FBXO22: variants seen among roughly 807,000 people sequenced by gnomAD.
FBXO22 encodes the protein F-box only protein 22.
FBXO22 carries 13 observed loss-of-function variants against 37.2 expected under a neutral mutation model. The observed-to-expected ratio is 0.35, with a 90% CI of 0.23 to 0.56. The LOEUF (loss-of-function observed/expected upper bound fraction) is 0.56, where lower values mean the gene tolerates loss of function less well. Among genes scored for constraint, FBXO22 ranks in the 20% least tolerant of loss-of-function variants. FBXO22 has a pLI of 0.87. For missense variants in FBXO22, 446 were observed against 509.9 expected (o/e 0.87, Z 1.21); for synonymous variants, 189 against 189.1 (o/e 1.00, Z 0.00).
In FBXO22 at chr15:75,940,026, A is replaced by C. The variant is rs1300446844; in HGVS notation, c.*6924A>C. The C allele has an allele frequency of 6.6e-6, 1 of 152,126 alleles. No homozygotes were observed. Among genetic ancestry groups the C allele is most frequent in the African/African-American group, 2.4e-5 (1 of 41,448 alleles). The allele number at this position is 152,126 out of a possible 1,614,324, so 9.4% of individuals were successfully genotyped here. ...AGTTCTAGCCTGAGCTAGAAAAAGA[A>C]AAGACATCTAAGTTGGAAAGTAAGA... On this transcript the variant is annotated 3_prime_UTR_variant, in exon 7 of 7. Coordinates refer to ENST00000308275, the MANE Select transcript of FBXO22 (RefSeq NM_147188.3).
intron 4 of FBXO22, among the ~76,000 whole-genome samples, chr15:75,916,699 C>T (rs1900198547): frequency 6.6e-6 from 1 of 152,104 alleles, no homozygotes; most frequent in African/African-American, 2.4e-5. Context: ...ATATATTTGT[C>T]ATCATTTTAA....
intron 6 of FBXO22, chr15:75,930,432 AATATGCCC>A: frequency 9.5e-7 from 1 of 1,056,774 alleles, no homozygotes; most frequent in South Asian, 3.2e-5. Context: ...CAGAGCTTCT[AATATGCCC>A]AGTGCTGTGG....
At chr15:75,926,709 A>T (rs1001962344) in intron 5 of FBXO22, among the ~76,000 whole-genome samples, 2 of 152,184 alleles carry the variant, frequency 1.3e-5, no homozygotes, top group African/African-American at 4.8e-5. Context: ...GGTTTTCAAT[A>T]CATGTTTTTA....
chr15:75,924,012 G>A (rs560204888), intron 5 of FBXO22, among the ~76,000 whole-genome samples: 14 of 152,316 alleles, frequency 9.2e-5, no homozygotes, highest in African/African-American at 2.9e-4. Flanking sequence ...ATTGACTAAG[G>A]TGAAGAAGAT....
intron 6 of FBXO22, chr15:75,931,011 TC>T: frequency 4.3e-6 from 1 of 230,430 alleles, no homozygotes; most frequent in Non-Finnish European, 7.2e-6. Flanking sequence ...GTACGTTGAA[TC>T]CCAGGCAGGA....
chr15:75,927,418 C>A (rs537881669), intron 5 of FBXO22, among the ~76,000 whole-genome samples: 50 of 152,262 alleles, frequency 3.3e-4, no homozygotes, highest in Non-Finnish European at 6.6e-4. Context: ...ATTTAGAAGT[C>A]ATGAGGTTTC....
intron 5 of FBXO22, among the ~76,000 whole-genome samples, chr15:75,921,718 T>G (rs776379999): frequency 6.6e-6 from 1 of 152,158 alleles, no homozygotes; most frequent in Non-Finnish European, 1.5e-5. Flanking sequence ...ACAAAAAAAA[T>G]TTCCATTTAT....
intron 5 of FBXO22, among the ~76,000 whole-genome samples, chr15:75,923,071 G>A (rs1567054799): frequency 6.6e-6 from 1 of 152,156 alleles, no homozygotes; most frequent in African/African-American, 2.4e-5. Flanking sequence ...AGGTGACATA[G>A]CTGTTTCCTG....
chr15:75,918,925 A>C (rs1209824755), intron 5 of FBXO22, among the ~76,000 whole-genome samples: 1 of 152,176 alleles, frequency 6.6e-6, no homozygotes, highest in East Asian at 1.9e-4. Flanking sequence ...TCTGTTGTAC[A>C]ACATGGAGAC....
chr15:75,930,554 A>G (rs2029977239), intron 6 of FBXO22: 3 of 986,534 alleles, frequency 3.0e-6, no homozygotes, highest in Non-Finnish European at 3.6e-6. Context: ...GTTTTTGGAA[A>G]TTCTGTATTA....
Position 75,932,897 on chromosome 15 carries a change from C to T in FBXO22, c.1007C>T (p.Ala336Val). 1.2e-6 allele frequency: 2 copies of T among 1,614,186 alleles called. No individual in the cohort carries two copies. Among genetic ancestry groups the T allele is most frequent in the Non-Finnish European group, 1.7e-6 (2 of 1,180,030 alleles). Residue 336 changes from alanine (A) to valine (V), a missense_variant, in exon 7 of 7, where the codon GCC becomes GTC. This residue lies in a region of FBXO22 where 315 missense variants were observed against 410.1 expected (regional missense o/e 0.77). Transcript: ENST00000308275. ...GGCAGGGGCTTTCAGTATTACAGAG[C>T]CAAGGGGAATGTTGAGGCTGATGCA... ...CVGRGFQYYR[A>V]KGNVEADAFR... is the part of the protein sequence containing the mutation.
At chr15:75,921,077 C>T (rs1412533955) in intron 5 of FBXO22, among the ~76,000 whole-genome samples, 2 of 152,138 alleles carry the variant, frequency 1.3e-5, no homozygotes, top group South Asian at 4.1e-4. Flanking sequence ...CCTATTGCCC[C>T]TAGACTACAA....
intron 4 of FBXO22, 117 bp downstream of exon 4, chr15:75,914,322 TAAAG>T: frequency 1.5e-6 from 1 of 686,916 alleles, no homozygotes; most frequent in Non-Finnish European, 2.5e-6. Flanking sequence ...TAAAATACAA[TAAAG>T]TCAGTCATAT....
At chr15:75,929,309 C>CAAA (rs11378024) in intron 5 of FBXO22, among the ~76,000 whole-genome samples, 1 of 146,840 alleles carries the variant, frequency 6.8e-6, no homozygotes, top group African/African-American at 2.5e-5. Context: ...CCATCTCTAC[C>CAAA]AAAAAAAAAA....
intron 4 of FBXO22, among the ~76,000 whole-genome samples, chr15:75,915,735 A>C (rs548929372): frequency 2.0e-4 from 30 of 152,150 alleles, no homozygotes; most frequent in Admixed American, 1.8e-3. Context: ...CCCCATCTCT[A>C]CTAAAAATAC....
At position 75,904,027 on chromosome 15, in the gene FBXO22, G is replaced by A. The variant is rs187236887; in HGVS notation, c.64G>A (p.Val22Met). 1 of 1,575,424 alleles carries A rather than the reference G, an allele frequency of 6.3e-7. No homozygotes were observed. Among genetic ancestry groups the A allele is most frequent in the Non-Finnish European group, 8.6e-7 (1 of 1,160,236 alleles). The change falls in exon 1 of 7, where the codon GTG becomes ATG. Residue 22 changes from valine to methionine, a missense_variant. Transcript: ENST00000308275. ...GSSVDPRSTFVLSNLAEVVER... is the reference protein window; with the variant it reads ...GSSVDPRSTFMLSNLAEVVER... ...CTCCGTAGACCCGCGGAGCACCTTC[G>A]TGTTGAGTAACCTGGCGGAGGTGGT...
chr15:75,904,706 C>A, intron 2 of FBXO22, 77 bp downstream of exon 2: 7 of 1,417,580 alleles, frequency 4.9e-6, no homozygotes, highest in Non-Finnish European at 4.6e-6. Flanking sequence ...TTTTTTAAAT[C>A]CCAGTTTTGT....
intron 5 of FBXO22, among the ~76,000 whole-genome samples, chr15:75,927,167 G>A (rs1018859123): frequency 1.3e-5 from 2 of 152,220 alleles, no homozygotes; most frequent in Non-Finnish European, 2.9e-5. Context: ...ACACAGGGTT[G>A]TGAAGTAGCA....
At chr15:75,907,826 G>C (rs1258789378) in intron 2 of FBXO22, among the ~76,000 whole-genome samples, 1 of 151,950 alleles carries the variant, frequency 6.6e-6, no homozygotes, top group African/African-American at 2.4e-5. Flanking sequence ...ACCTATAATC[G>C]CAGCTACTTG....
Sources: allele counts gnomAD v4.1 joint callset (sites outside exome capture counted in the v4.1 genomes callset), GRCh38; gene constraint gnomAD v4.1.1; regional missense constraint gnomAD v4.1.1; transcripts MANE v1.5; gene names NCBI Gene and HGNC (gene_info 2026-07-23, HGNC 2026-07-21).